The following RBFOX1 variants were observed in gnomAD, a reference collection of about 807,000 sequenced individuals.
RBFOX1 encodes the protein RNA binding fox-1 homolog 1, also known as RNA binding protein fox-1 homolog 1.
A neutral mutation model predicts 57.7 loss-of-function variants in RBFOX1; 8 were observed. The ratio of observed to expected loss-of-function variants is 0.14; its 90% CI spans 0.08 to 0.25. The LOEUF is 0.25. RBFOX1 is among the 10% of genes least tolerant of loss of function. The probability of loss-of-function intolerance (pLI) is 1.00; values close to 1 mark genes in which losing one functional copy is unlikely to be tolerated. For missense variants in RBFOX1, 611 were observed against 548.5 expected (o/e 1.11, Z -1.14); for synonymous variants, 326 against 222.4 (o/e 1.47, Z -4.15).
intron 3 of RBFOX1, among the ~76,000 whole-genome samples, chr16:6,788,612 A>G (rs2082370091): frequency 1.3e-5 from 2 of 151,994 alleles, no homozygotes; most frequent in East Asian, 1.9e-4. Context: ...AGTAGCTGGA[A>G]CTACAGGTGC....
chr16:7,676,825 G>C lies in RBFOX1; in HGVS notation c.982G>C (p.Ala328Pro). 6.2e-7 allele frequency: 1 copy of C among 1,612,934 alleles called. No individual in the cohort carries two copies. Among genetic ancestry groups the C allele is most frequent in the Non-Finnish European group, 8.5e-7 (1 of 1,179,066 alleles). Residue 328 changes from alanine (A) to proline (P), a missense_variant, in exon 14 of 16, where the codon GCC (alanine) becomes CCC (proline). Around this residue, in one of 3 missense-constraint regions of RBFOX1, gnomAD observed 267 missense variants for 229.1 expected, o/e 1.17. Coordinates refer to ENST00000550418, the MANE Select transcript of RBFOX1 (RefSeq NM_018723.4). ...CCAGCCTACCCCTGCCACTGCCGCT[G>C]CCTACAGTGACAGGTAAGGGTCATC... Reference protein sequence around the residue: ...YAQPTPATAAAYSDSYGRVYA... With the variant: ...YAQPTPATAAPYSDSYGRVYA...
chr16:7,156,440 T>G (rs2077156030), intron 4 of RBFOX1, among the ~76,000 whole-genome samples: 1 of 152,094 alleles, frequency 6.6e-6, no homozygotes, highest in Admixed American at 6.6e-5. Flanking sequence ...CACATGTAGA[T>G]ATGCATATAT....
At chr16:6,033,126 A>T (rs967446816) in intron 1 of RBFOX1, among the ~76,000 whole-genome samples, 10 of 152,174 alleles carry the variant, frequency 6.6e-5, no homozygotes. Flanking sequence ...TTGCGTGCTA[A>T]TAGTTAGTTC....
At chr16:6,986,180 C>G (rs371661440) in intron 3 of RBFOX1, among the ~76,000 whole-genome samples, 15 of 72,600 alleles carry the variant, frequency 2.1e-4, no homozygotes, top group Admixed American at 1.0e-3. Context: ...TCACCAATTT[C>G]TATTTTTATT....
chr16:7,422,812 T>C (rs957233320), intron 4 of RBFOX1: 2 of 152,200 alleles, frequency 1.3e-5, no homozygotes, highest in Admixed American at 6.5e-5. Context: ...ACCTGCTTGT[T>C]GGATTATTAA....
At chr16:6,712,234 A>C (rs1415296293) in intron 3 of RBFOX1, among the ~76,000 whole-genome samples, 1 of 152,118 alleles carries the variant, frequency 6.6e-6, no homozygotes, top group Non-Finnish European at 1.5e-5. Flanking sequence ...TAAAACTCAA[A>C]ATGGAACTCT....
chr16:6,007,922 G>C (rs1046710634), intron 4 of RBFOX1, among the ~76,000 whole-genome samples: 3 of 152,110 alleles, frequency 2.0e-5, no homozygotes, highest in South Asian at 4.1e-4. Context: ...ATTTAAGAAA[G>C]GTGATATGGG....
intron 4 of RBFOX1, among the ~76,000 whole-genome samples, chr16:7,340,887 C>T (rs1174436292): frequency 1.3e-5 from 2 of 152,160 alleles, no homozygotes; most frequent in African/African-American, 4.8e-5. Flanking sequence ...AGCCATCTGT[C>T]ATTTTGATCA....
intron 4 of RBFOX1, among the ~76,000 whole-genome samples, chr16:7,086,637 A>G (rs1011088675): frequency 2.0e-5 from 3 of 152,084 alleles, no homozygotes; most frequent in African/African-American, 7.2e-5. Context: ...TTTTGTAAGG[A>G]GAGCCTATTG....
intron 3 of RBFOX1, among the ~76,000 whole-genome samples, chr16:6,854,943 T>C (rs946619720): frequency 6.6e-6 from 1 of 151,992 alleles, no homozygotes; most frequent in African/African-American, 2.4e-5. Context: ...AGGAGAACTT[T>C]GATCACCGAG....
chr16:6,534,684 C>T (rs1161796174), intron 2 of RBFOX1, among the ~76,000 whole-genome samples: 1 of 152,098 alleles, frequency 6.6e-6, no homozygotes, highest in Non-Finnish European at 1.5e-5. Context: ...AAAGTACTTG[C>T]TTCCTTTGCA....
At position 6,064,603 on chromosome 16, in the gene RBFOX1, C is replaced by G. The variant is rs181835813; in HGVS notation, c.-127+44611C>G. 1.6e-4 allele frequency among the ~76,000 whole-genome samples: 24 copies of G among 151,840 alleles called. 1 individual carries two copies. The highest frequency in any genetic ancestry group is 4.4e-5 in the Non-Finnish European group (3 of 67,962). On this transcript the variant is annotated intron_variant, in intron 1 of 15. Coordinates refer to ENST00000550418, the MANE Select transcript of RBFOX1 (RefSeq NM_018723.4). ...GTCACCAGGCTGGAGTGCAGTGGTG[C>G]GATCTCGGCTCACTGCAACCTCCGC...
chr16:6,483,463 T>A, intron 2 of RBFOX1: 3 of 1,535,718 alleles, frequency 2.0e-6, no homozygotes, highest in Non-Finnish European at 2.6e-6. Context: ...TGCTGTGTTT[T>A]CCCGGTGAGG....
chr16:7,086,930 C>T (rs773872955), intron 4 of RBFOX1, among the ~76,000 whole-genome samples: 1 of 152,196 alleles, frequency 6.6e-6, no homozygotes, highest in Non-Finnish European at 1.5e-5. Context: ...CCCGGCCCTC[C>T]TTCCCTTTTC....
At chr16:6,492,294 G>A in intron 2 of RBFOX1, among the ~76,000 whole-genome samples, 1 of 152,174 alleles carries the variant, frequency 6.6e-6, no homozygotes, top group East Asian at 1.9e-4. Context: ...AAGTAGGCTG[G>A]GCACGATGGC....
At chr16:7,412,214 A>G (rs1323237627) in intron 4 of RBFOX1, among the ~76,000 whole-genome samples, 3 of 151,988 alleles carry the variant, frequency 2.0e-5, no homozygotes, top group African/African-American at 7.2e-5. Context: ...GAGGAGTTCC[A>G]GACTAGCCTG....
At chr16:7,486,325 G>C (rs570533712) in intron 4 of RBFOX1, among the ~76,000 whole-genome samples, 2 of 151,830 alleles carry the variant, frequency 1.3e-5, no homozygotes, top group South Asian at 4.2e-4. Flanking sequence ...TAGAGATGCG[G>C]TTTCACCATG....
chr16:7,695,526 G>A (rs953530759), intron 14 of RBFOX1, among the ~76,000 whole-genome samples: 5 of 151,922 alleles, frequency 3.3e-5, no homozygotes, highest in Non-Finnish European at 7.4e-5. Context: ...GGTGGCACAT[G>A]CCTGTAATCC....
intron 5 of RBFOX1, among the ~76,000 whole-genome samples, chr16:7,555,404 C>T (rs935148617): frequency 2.0e-5 from 3 of 152,118 alleles, no homozygotes; most frequent in Non-Finnish European, 2.9e-5. Flanking sequence ...TTACCTTCCT[C>T]GTTCTGATAA....
Sources: gnomAD v4.1 joint callset for allele counts (sites outside exome capture counted in the v4.1 genomes callset) on GRCh38, gnomAD v4.1.1 for gene constraint, gnomAD v4.1.1 regional missense constraint, MANE v1.5 for transcripts, NCBI Gene and HGNC (gene_info 2026-07-23, HGNC 2026-07-21) for gene names.